RESF1: variants seen among roughly 807,000 people sequenced by gnomAD.
RESF1 encodes the protein retroelement silencing factor 1.
RESF1 carries 65 observed loss-of-function variants against 134.7 expected under a neutral mutation model. That is an observed-to-expected ratio of 0.48 (90% CI 0.40 to 0.59). The LOEUF (loss-of-function observed/expected upper bound fraction) is 0.59. Among genes scored for constraint, RESF1 ranks in the 20% least tolerant of loss-of-function variants. The pLI is 0.00. For synonymous variants in RESF1, 762 were observed against 702.2 expected (o/e 1.09, Z -1.35); for missense variants, 2,274 against 2,002.7 (o/e 1.14, Z -2.59).
chr12:31,987,919 G>A (rs1158018433), intron 5 of RESF1, among the ~76,000 whole-genome samples: 1 of 151,980 alleles, frequency 6.6e-6, no homozygotes, highest in Non-Finnish European at 1.5e-5. Flanking sequence ...ATTTTTAGTA[G>A]AGGCAGGGTT....
intron 3 of RESF1, among the ~76,000 whole-genome samples, chr12:31,980,611 TAAGTA>T (rs1447560175): frequency 6.6e-6 from 1 of 152,156 alleles, no homozygotes; most frequent in African/African-American, 2.4e-5. Context: ...CTGTTAAAAA[TAAGTA>T]AAAACAGAAG....
intron 3 of RESF1, 40 bp downstream of exon 3, chr12:31,970,396 T>C (rs1229828509): frequency 6.6e-6 from 1 of 152,224 alleles, no homozygotes; most frequent in East Asian, 1.9e-4. Context: ...TGGAAGGGAA[T>C]GTGGGTGGGA....
chr12:31,982,525 G>A lies in RESF1; in HGVS notation c.1570G>A (p.Val524Ile). ...PMPDSSHDVK[V>I]LTSKTSAVEM... ...GCCAGACTCATCTCATGATGTGAAA[G>A]TTCTCACTTCAAAGACATCAGCTGT... The change falls in exon 4 of 6, where the codon GTT becomes ATT. Residue 524 changes from valine (V) to isoleucine (I), a missense_variant. Transcript: ENST00000312561. 1 of 1,613,684 alleles carries A rather than the reference G, an allele frequency of 6.2e-7. No homozygotes were observed. Among genetic ancestry groups the A allele is most frequent in the Non-Finnish European group, 8.5e-7 (1 of 1,179,980 alleles).
intron 3 of RESF1, among the ~76,000 whole-genome samples, chr12:31,974,144 G>A (rs1247130866): frequency 2.6e-5 from 4 of 151,660 alleles, no homozygotes; most frequent in South Asian, 2.1e-4. Flanking sequence ...ATATGTGAGC[G>A]CTTCCATGCC....
intron 3 of RESF1, among the ~76,000 whole-genome samples, chr12:31,978,536 GT>G (rs372896758): frequency 1.3e-5 from 2 of 150,118 alleles, no homozygotes; most frequent in African/African-American, 4.9e-5. Flanking sequence ...GGTATTTGGG[GT>G]TTTTTTTTGT....
rs144611753 is a variant in RESF1, at chr12:31,984,895, T to G, written c.3940T>G (p.Tyr1314Asp). Residue 1314 changes from tyrosine (Y) to aspartate (D), a missense_variant, in exon 4 of 6, where the codon TAT becomes GAT. By Grantham distance (160) the Tyr-to-Asp change is radical. Transcript: ENST00000312561. ...FHSSNKMTAS[Y>D]EQASQETRQK... ...CTCCAGTAATAAAATGACAGCATCTTATGAACAAGCTTCTCAGGAAACCCG... is the reference window on the plus strand; with the variant it reads ...CTCCAGTAATAAAATGACAGCATCTGATGAACAAGCTTCTCAGGAAACCCG... 4 of 1,610,336 alleles carry G rather than the reference T, an allele frequency of 2.5e-6. No individual in the cohort carries two copies. In the African/African-American group the frequency reaches 4.0e-5, roughly 16 times the overall value.
At position 31,984,989 on chromosome 12, in the gene RESF1, A is replaced by G; in HGVS notation, c.4034A>G (p.Asp1345Gly). 1 of 1,612,500 alleles carries G rather than the reference A, an allele frequency of 6.2e-7. No homozygotes were observed. Among genetic ancestry groups the G allele is most frequent in the Non-Finnish European group, 8.5e-7 (1 of 1,179,632 alleles). ...AAAACAGCTTTTTTGCCAAATAAAG[A>G]TGTGTATAAGAAGCATAGTTCTTTG... is the stretch of plus-strand genomic sequence containing the variant. Reference protein sequence around the residue: ...KTKTAFLPNKDVYKKHSSLGQ... With the variant: ...KTKTAFLPNKGVYKKHSSLGQ... Residue 1345 changes from aspartate (D) to glycine (G), a missense_variant, in exon 4 of 6, where the codon GAT becomes GGT. Physicochemically the swap from Asp to Gly is moderately conservative, Grantham distance 94. Transcript: ENST00000312561.
chr12:31,963,429 G>A (rs191047128), intron 2 of RESF1, among the ~76,000 whole-genome samples: 3 of 152,016 alleles, frequency 2.0e-5, no homozygotes, highest in Admixed American at 2.0e-4. Flanking sequence ...TTAAAGATTT[G>A]GGACACTGTA....
rs546008373 is a variant in RESF1 at position 31,985,600 on chromosome 12, T to A, written c.4645T>A (p.Trp1549Arg). The A allele has an allele frequency of 2.5e-6, 4 of 1,602,528 alleles. No individual in the cohort carries two copies. The highest frequency in any genetic ancestry group is 3.4e-6 in the Non-Finnish European group (4 of 1,177,218). ...TGGTGGGAAGCAGCCTGATAAAATA[T>A]GGATTGATAAGACTAAATTAGACAA... Reference protein sequence around the residue: ...KVGGKQPDKIWIDKTKLDKLT... With the variant: ...KVGGKQPDKIRIDKTKLDKLT... Residue 1549 changes from tryptophan (W) to arginine (R), a missense_variant, in exon 4 of 6, where the codon TGG becomes AGG. By Grantham distance (101) the Trp-to-Arg change is moderately radical. Transcript: ENST00000312561.
intron 1 of RESF1, among the ~76,000 whole-genome samples, chr12:31,960,203 G>A (rs1034847435): frequency 3.3e-5 from 5 of 152,116 alleles, no homozygotes; most frequent in Non-Finnish European, 2.9e-5. Flanking sequence ...CGTCCTTAGG[G>A]TCCTGAGTTC....
At position 31,981,944 on chromosome 12, in the gene RESF1, A is replaced by T; in HGVS notation, c.989A>T (p.Asn330Ile). The stretch of plus-strand genomic sequence containing the variant: ...CAGCAGTGGCAAAACCCTAATGAAA[A>T]TGTCAGCACAATTGGAAATTTCACT... ...FQQQWQNPNE[N>I]VSTIGNFTNL... Residue 330 changes from asparagine (N) to isoleucine (I), a missense_variant, in exon 4 of 6, where the codon AAT becomes ATT. Transcript: ENST00000312561. 6.2e-7 allele frequency: 1 copy of T among 1,614,224 alleles called. No individual in the cohort carries two copies. Among genetic ancestry groups the T allele is most frequent in the Non-Finnish European group, 8.5e-7 (1 of 1,180,040 alleles).
At position 31,992,831 on chromosome 12, in the gene RESF1, C is replaced by G. The variant is rs1312115495; in HGVS notation, c.*296C>G. 3.0e-6 allele frequency: 1 copy of G among 333,876 alleles called. No individual in the cohort carries two copies. Among genetic ancestry groups the G allele is most frequent in the African/African-American group, 2.2e-5 (1 of 45,638 alleles). 20.7% of individuals were successfully genotyped at this position (333,876 alleles called of 1,614,324 possible). ...TATACAAATCAATTTGAAATTCTAC[C>G]CATCTTGAGGGAGGACCGTTCCTCA... On this transcript the variant is annotated 3_prime_UTR_variant, in exon 6 of 6. Coordinates refer to ENST00000312561, the MANE Select transcript of RESF1 (RefSeq NM_018169.4).
Position 31,981,404 on chromosome 12 carries a change from CG to C in RESF1, c.451del (p.Ala151HisfsTer6). 2 of 1,613,928 alleles carry C rather than the reference CG, an allele frequency of 1.2e-6. No individual in the cohort carries two copies. The highest frequency in any genetic ancestry group is 2.7e-5 in the African/African-American group (2 of 75,012). On this transcript the variant is annotated frameshift_variant, in exon 4 of 6. Transcript: ENST00000312561. LOFTEE classifies it high-confidence loss of function. ...TTTGGAGCTAACGTACCCAATATGC[CG>C]GCACTACAGAGTCAACTGATAACAT... ...TDFGANVPNMPALQSQLITSD... is the reference protein window; with the variant it reads ...TDFGANVPNMXALQSQLITSD...
chr12:31,971,393 C>T (rs11051708), intron 3 of RESF1, among the ~76,000 whole-genome samples: 15,298 of 152,254 alleles, frequency 0.1, 942 homozygotes, highest in Non-Finnish European at 0.14. Context: ...CCACCCACCT[C>T]GGCCTCCCAA....
rs773904305 is a variant in RESF1, at chr12:31,982,861, A to G, written c.1906A>G (p.Ser636Gly). The G allele has an allele frequency of 3.7e-6, 6 of 1,613,974 alleles. No homozygotes were observed. The Admixed American group carries it at 6.7e-5, about 18-fold the overall frequency. The change falls in exon 4 of 6, where the codon AGT (serine) becomes GGT (glycine). Residue 636 changes from serine (S) to glycine (G), a missense_variant. By Grantham distance (56) the Ser-to-Gly change is moderately conservative (BLOSUM62 0). Coordinates refer to ENST00000312561, the MANE Select transcript of RESF1 (RefSeq NM_018169.4). ...GAATTTGAAGAACATGGAAACTCCAAGTACTTCTAATGTAAGTGGCAGGGT... is the reference window on the plus strand; with the variant it reads ...GAATTTGAAGAACATGGAAACTCCAGGTACTTCTAATGTAAGTGGCAGGGT... ...QLNLKNMETPSTSNVSGRVLD... is the reference protein window; with the variant it reads ...QLNLKNMETPGTSNVSGRVLD...
rs369021794 is a variant in RESF1, at chr12:31,988,450, A to G, written c.5086+1128A>G. Among the ~76,000 whole-genome samples the G allele has an allele frequency of 1.9e-4, 29 of 152,358 alleles. No homozygotes were observed. The South Asian group carries it at 5.8e-3, about 31-fold the overall frequency. ...ATTAAAAGTAATCTAGAAATTATTT[A>G]AGGTATGTGTGGGGGGTATGCTTTA... On this transcript the variant is annotated intron_variant, in intron 5 of 5. Coordinates refer to ENST00000312561, the MANE Select transcript of RESF1 (RefSeq NM_018169.4).
In RESF1 at chr12:31,982,284, G is replaced by A; in HGVS notation, c.1329G>A (p.Leu443=). 1 of 1,614,088 alleles carries A rather than the reference G, an allele frequency of 6.2e-7. No individual in the cohort carries two copies. Among genetic ancestry groups the A allele is most frequent in the Non-Finnish European group, 8.5e-7 (1 of 1,180,026 alleles). Residue 443 remains leucine, a synonymous_variant, in exon 4 of 6, where the codon TTG becomes TTA. Transcript: ENST00000312561. ...SYSEPAQNSK[L]SLKQTAKIQS... is the part of the protein sequence containing the mutation. ...GTGAACCAGCTCAGAATTCTAAATT[G>A]TCTCTAAAACAAACTGCCAAAATCC...
At position 31,985,473 on chromosome 12, in the gene RESF1, A is replaced by G. The variant is rs761934690; in HGVS notation, c.4518A>G (p.Lys1506=). Residue 1506 remains lysine (K), a synonymous_variant, in exon 4 of 6, where the codon AAA becomes AAG. Transcript: ENST00000312561. The stretch of plus-strand genomic sequence containing the variant: ...ACAGCAGCGGCGTGCAGACCTCTAA[A>G]GAATCATTAAATGGCTTGACAAGCC... ...EKHSSGVQTS[K]ESLNGLTSHG... is the part of the protein sequence containing the mutation. 20 of 1,607,748 alleles carry G rather than the reference A, an allele frequency of 1.2e-5. No individual in the cohort carries two copies. In the South Asian group the frequency reaches 2.1e-4, roughly 17 times the overall value.
rs571734006 is a variant in RESF1, at chr12:31,978,544, T to G, written c.-78-2334T>G. 2.7e-5 allele frequency among the ~76,000 whole-genome samples: 4 copies of G among 150,706 alleles called. No individual in the cohort carries two copies. In the East Asian group the frequency reaches 7.8e-4, roughly 29 times the overall value. On this transcript the variant is annotated intron_variant, in intron 3 of 5. Coordinates refer to ENST00000312561, the MANE Select transcript of RESF1 (RefSeq NM_018169.4). ...ATATGTAGGTATTTGGGGTTTTTTT[T>G]TGTTTTTTGTTTTTTGTTTTGAGAC...
Sources: allele counts gnomAD v4.1 joint callset (sites outside exome capture counted in the v4.1 genomes callset), GRCh38; gene constraint gnomAD v4.1.1; transcripts MANE v1.5; gene names NCBI Gene and HGNC (gene_info 2026-07-23, HGNC 2026-07-21).